PM20D1: variants seen among roughly 807,000 people sequenced by gnomAD.
PM20D1 encodes peptidase M20 domain containing 1, also known as N-fatty-acyl-amino acid synthase/hydrolase PM20D1.
Under a neutral mutation model 53.8 loss-of-function variants are expected in PM20D1, and 53 were observed. The ratio of observed to expected loss-of-function variants is 0.98; its 90% CI spans 0.79 to 1.24. The LOEUF (loss-of-function observed/expected upper bound fraction) is 1.24, where lower values mean the gene tolerates loss of function less well. Ranked by LOEUF, PM20D1 falls within the 50% of genes most tolerant of loss-of-function variation. PM20D1 has a pLI of 0.00. For synonymous variants in PM20D1, 239 were observed against 241.3 expected, an observed-to-expected ratio of 0.99 and a Z score of 0.09; for missense variants, 564 against 616.8, an observed-to-expected ratio of 0.91 and a Z score of 0.91.
At chr1:205,845,091 A>G (rs1398564460) in intron 3 of PM20D1, among the ~76,000 whole-genome samples, 194 bp from the exon 4 acceptor site, 1 of 152,132 alleles carries the variant, frequency 6.6e-6, no homozygotes, top group African/African-American at 2.4e-5. Context: ...CCTGGAGAAG[A>G]GCATAAACAT....
At chr1:205,835,862 C>A (rs542916760) in intron 10 of PM20D1, among the ~76,000 whole-genome samples, 1 of 152,072 alleles carries the variant, frequency 6.6e-6, no homozygotes, top group South Asian at 2.1e-4. Flanking sequence ...ACGAATCTCT[C>A]ATTTCTCTGA....
intron 8 of PM20D1, 80 bp from the exon 9 acceptor site, chr1:205,841,969 T>C: frequency 7.3e-7 from 1 of 1,369,798 alleles, no homozygotes; most frequent in Admixed American, 2.0e-5. Flanking sequence ...CCCACTTTCC[T>C]GAACCTTGGG....
At position 205,844,834 on chromosome 1, in the gene PM20D1, T is replaced by C. The variant is rs761389788; in HGVS notation, c.553A>G (p.Ile185Val). Residue 185 changes from isoleucine to valine, a missense_variant, in exon 4 of 13, where the codon ATT (isoleucine) becomes GTT (valine). Physicochemically the swap from Ile to Val is conservative, Grantham distance 29. Coordinates refer to ENST00000367136, the MANE Select transcript of PM20D1 (RefSeq NM_152491.5). The part of the protein sequence containing the change: ...RKYIPRRSFF[I>V]SLGHDEESSG... The stretch of plus-strand genomic sequence containing the variant: ...ACCTCCTCATCATGGCCCAGAGAAA[T>C]GAAGAAAGATCTTCGGGGGATGTAC... 4.3e-6 allele frequency: 7 copies of C among 1,613,932 alleles called. No individual in the cohort carries two copies. The East Asian group carries it at 1.1e-4, about 26-fold the overall frequency.
At position 205,836,248 on chromosome 1, in the gene PM20D1, C is replaced by T. The variant is rs567317299; in HGVS notation, c.1117-3482G>A. Among the ~76,000 whole-genome samples the T allele has an allele frequency of 2.0e-5, 3 of 152,252 alleles. No individual in the cohort carries two copies. The South Asian group carries it at 6.2e-4, about 32-fold the overall frequency. On this transcript the variant is annotated intron_variant, in intron 10 of 12. Transcript: ENST00000367136. ...TCTGTTTTATGTGTAGAGATATTTT[C>T]CTCTAAGTGAACGGTACAGCTGTTG...
chr1:205,839,753 T>TA (rs909236215), intron 10 of PM20D1, among the ~76,000 whole-genome samples: 1 of 149,540 alleles, frequency 6.7e-6, no homozygotes, highest in Non-Finnish European at 1.5e-5. Flanking sequence ...ATACTGAAAA[T>TA]ACTAAAAATT....
Position 205,832,621 on chromosome 1 carries a change from G to A in PM20D1, c.1262C>T (p.Pro421Leu), listed in dbSNP as rs142013357. ...LLRQTVQSVF[P>L]EVNITAPVTS... is the part of the protein sequence containing the mutation. The stretch of plus-strand genomic sequence containing the variant: ...ACCTGGGGCAGTAATATTGACTTCC[G>A]GGAAGACGGACTGTACGGTCTGGCG... Residue 421 changes from proline to leucine, a missense_variant, in exon 11 of 13, where the codon CCG becomes CTG. By Grantham distance (98) the Pro-to-Leu change is moderately conservative (BLOSUM62 -3). Coordinates refer to ENST00000367136, the MANE Select transcript of PM20D1 (RefSeq NM_152491.5). 3.5e-5 allele frequency: 57 copies of A among 1,613,978 alleles called. No homozygotes were observed. The highest frequency in any genetic ancestry group is 3.3e-4 in the Middle Eastern group (2 of 6,084).
Position 205,834,759 on chromosome 1 carries a change from TC to T in PM20D1, c.1117-1994del, listed in dbSNP as rs139621655. Among the ~76,000 whole-genome samples the T allele has an allele frequency of 2.6e-3, 399 of 152,304 alleles. 2 individuals carry two copies. Among genetic ancestry groups the T allele is most frequent in the African/African-American group, 9.2e-3 (382 of 41,568 alleles). On this transcript the variant is annotated intron_variant, in intron 10 of 12. Transcript: ENST00000367136. ...TGGGACTGTGCCCACTGCCCCAAAT[TC>T]CTTAGAAGTCCCTCCAGAAATCGAA... is the stretch of plus-strand genomic sequence containing the variant.
chr1:205,844,930 A>T, intron 3 of PM20D1, 33 bp from the exon 4 acceptor site: 3 of 1,587,046 alleles, frequency 1.9e-6, no homozygotes, highest in Non-Finnish European at 2.6e-6. Context: ...AAGAGGAAAA[A>T]GACGTTATTT....
rs545117365 is a variant in PM20D1 at position 205,842,330 on chromosome 1, G to C, written c.904-115C>G. On this transcript the variant is annotated intron_variant, in intron 7 of 12. Coordinates refer to ENST00000367136, the MANE Select transcript of PM20D1 (RefSeq NM_152491.5). ...TCAGGGGCCCTTAGCAGTCAGGAGT[G>C]CTGCTAAATTCAGTTAGCTCAATCC... 5 of 927,648 alleles carry C rather than the reference G, an allele frequency of 5.4e-6. No individual in the cohort carries two copies. In the East Asian group the frequency reaches 1.2e-4, roughly 23 times the overall value. 57.5% of individuals were successfully genotyped at this position (927,648 alleles called of 1,614,324 possible).
intron 6 of PM20D1, 29 bp downstream of exon 6, chr1:205,843,638 G>C (rs1257515552): frequency 6.2e-7 from 1 of 1,602,018 alleles, no homozygotes; most frequent in Non-Finnish European, 8.5e-7. Flanking sequence ...CTCAAGTCTG[G>C]CATGGGAACA....
At chr1:205,832,800 T>C (rs1301278475) in intron 10 of PM20D1, 34 bp from the exon 11 acceptor site, 1 of 1,527,416 alleles carries the variant, frequency 6.5e-7, no homozygotes, top group African/African-American at 1.4e-5. Context: ...TTCGATTTCT[T>C]ATTGATTTCT....
intron 12 of PM20D1, 52 bp from the exon 13 acceptor site, chr1:205,828,795 G>A: frequency 6.2e-7 from 1 of 1,606,448 alleles, no homozygotes; most frequent in Non-Finnish European, 8.5e-7. Context: ...AAGTGCCACA[G>A]CACAAGTGTT....
At chr1:205,833,088 C>T (rs1016746263) in intron 10 of PM20D1, among the ~76,000 whole-genome samples, 1 of 152,224 alleles carries the variant, frequency 6.6e-6, no homozygotes, top group African/African-American at 2.4e-5. Context: ...AAGGGGATGG[C>T]CTGGCTGGAA....
At chr1:205,845,084 G>A (rs1656918472) in intron 3 of PM20D1, among the ~76,000 whole-genome samples, 187 bp from the exon 4 acceptor site, 1 of 152,128 alleles carries the variant, frequency 6.6e-6, no homozygotes, top group African/African-American at 2.4e-5. Flanking sequence ...TTTACCACCT[G>A]GAGAAGAGCA....
intron 2 of PM20D1, among the ~76,000 whole-genome samples, chr1:205,846,345 C>T (rs373654201): frequency 7.3e-4 from 111 of 151,988 alleles, no homozygotes; most frequent in African/African-American, 1.4e-3. Context: ...GAGATCACAC[C>T]ACTGCACTCC....
At chr1:205,834,529 T>C (rs894523895) in intron 10 of PM20D1, among the ~76,000 whole-genome samples, 22 of 152,190 alleles carry the variant, frequency 1.4e-4, no homozygotes, top group Non-Finnish European at 1.6e-4. Flanking sequence ...TTCCCACTTC[T>C]GGCTTAGAAA....
Position 205,845,486 on chromosome 1 carries a change from T to A in PM20D1, c.328A>T (p.Ile110Phe), listed in dbSNP as rs1656932691. 1 of 1,614,188 alleles carries A rather than the reference T, an allele frequency of 6.2e-7. No homozygotes were observed. The highest frequency in any genetic ancestry group is 8.5e-7 in the Non-Finnish European group (1 of 1,180,034). Residue 110 changes from isoleucine to phenylalanine, a missense_variant, in exon 3 of 13, where the codon ATC becomes TTC. Transcript: ENST00000367136. Reference sequence around the variant, plus strand: ...TGCAAGCTGGGGTCCGAGCCTTGGATAGTGAACAGGTGGCTATACTCTTCC... The same window carrying A: ...TGCAAGCTGGGGTCCGAGCCTTGGAAAGTGAACAGGTGGCTATACTCTTCC... The part of the protein sequence containing the change: ...VVEEYSHLFT[I>F]QGSDPSLQPY...
chr1:205,833,993 A>C lies in PM20D1; in HGVS notation c.1117-1227T>G, dbSNP rs573538516. On this transcript the variant is annotated intron_variant, in intron 10 of 12. Coordinates refer to ENST00000367136, the MANE Select transcript of PM20D1 (RefSeq NM_152491.5). ...CTCCCGAGTAGCTGGGATTACAGGC[A>C]TGCACCACTATGCCTGACTAATTTT... 5.5e-4 allele frequency among the ~76,000 whole-genome samples: 84 copies of C among 151,566 alleles called. 2 individuals are homozygous for C.
intron 1 of PM20D1, among the ~76,000 whole-genome samples, 172 bp downstream of exon 1, chr1:205,849,732 C>T (rs1011778145): frequency 1.6e-4 from 24 of 152,074 alleles, no homozygotes; most frequent in African/African-American, 5.5e-4. Context: ...TGTGGCGTCC[C>T]CAGACAGGGG....
Sources: allele counts gnomAD v4.1 joint callset (sites outside exome capture counted in the v4.1 genomes callset), GRCh38; gene constraint gnomAD v4.1.1; transcripts MANE v1.5; gene names NCBI Gene and HGNC (gene_info 2026-07-23, HGNC 2026-07-21).